The following SLC4A10 variants were observed in gnomAD, a reference collection of about 807,000 sequenced individuals.
SLC4A10 encodes the protein sodium-driven chloride bicarbonate exchanger.
SLC4A10 carries 42 observed loss-of-function variants against 137.7 expected under a neutral mutation model. That is an observed-to-expected ratio of 0.30 (90% CI 0.24 to 0.39). The LOEUF is 0.39. Among genes scored for constraint, SLC4A10 ranks in the 10% least tolerant of loss-of-function variants. SLC4A10 has a pLI of 1.00. For synonymous variants in SLC4A10, 474 were observed against 464.1 expected (o/e 1.02, Z -0.27); for missense variants, 925 against 1,355.0 (o/e 0.68, Z 4.98).
chr2:161,963,667 G>C (rs2105907495), intron 21 of SLC4A10, among the ~76,000 whole-genome samples: 1 of 152,250 alleles, frequency 6.6e-6, no homozygotes, highest in East Asian at 1.9e-4. Context: ...CAGAGACGTA[G>C]GTCCGTGAAT....
chr2:161,647,797 G>T (rs1018913171), intron 1 of SLC4A10, among the ~76,000 whole-genome samples: 2 of 152,008 alleles, frequency 1.3e-5, no homozygotes, highest in African/African-American at 4.8e-5. Flanking sequence ...TATTTTATAC[G>T]TTATAAATCT....
intron 8 of SLC4A10, among the ~76,000 whole-genome samples, chr2:161,874,615 A>T (rs1327811465): frequency 6.6e-6 from 1 of 152,132 alleles, no homozygotes; most frequent in Non-Finnish European, 1.5e-5. Context: ...GGCCCGTTTC[A>T]TCTTTTAATA....
intron 3 of SLC4A10, among the ~76,000 whole-genome samples, chr2:161,838,432 A>G (rs956527937): frequency 3.3e-5 from 5 of 152,188 alleles, no homozygotes; most frequent in African/African-American, 1.2e-4. Flanking sequence ...GAGTTTTCAA[A>G]TTTGATACCA....
chr2:161,982,183 C>G (rs1428936584), intron 26 of SLC4A10, among the ~76,000 whole-genome samples: 1 of 152,142 alleles, frequency 6.6e-6, no homozygotes, highest in Non-Finnish European at 1.5e-5. Flanking sequence ...TGGATACTTA[C>G]AGCCCAGGGC....
chr2:161,895,656 A>G (rs1248262291), intron 11 of SLC4A10, among the ~76,000 whole-genome samples: 1 of 152,144 alleles, frequency 6.6e-6, no homozygotes, highest in Non-Finnish European at 1.5e-5. Context: ...CATTTCTCTG[A>G]TGACCAGTGA....
At chr2:161,859,604 T>C (rs1352857153) in intron 5 of SLC4A10, among the ~76,000 whole-genome samples, 1,273 of 123,720 alleles carry the variant, frequency 0.01, 15 homozygotes, top group African/African-American at 0.038. Flanking sequence ...CTTTTTTTTT[T>C]TTTTTTTTTT....
intron 15 of SLC4A10, among the ~76,000 whole-genome samples, chr2:161,940,192 C>G (rs953631915): frequency 2.2e-4 from 34 of 152,132 alleles, no homozygotes; most frequent in African/African-American, 7.2e-4. Flanking sequence ...TCCTCTCCTC[C>G]CAGCTCAGCA....
At chr2:161,735,262 A>T (rs2047225491) in intron 1 of SLC4A10, among the ~76,000 whole-genome samples, 1 of 151,148 alleles carries the variant, frequency 6.6e-6, no homozygotes, top group Admixed American at 6.6e-5. Context: ...GTATTTGTAG[A>T]TGAAAACCAT....
intron 23 of SLC4A10, among the ~76,000 whole-genome samples, chr2:161,969,865 T>C (rs1020997154): frequency 2.0e-5 from 3 of 152,178 alleles, no homozygotes; most frequent in African/African-American, 4.8e-5. Context: ...TTGGGAAGCA[T>C]GGCCAAATTA....
Position 161,950,817 on chromosome 2 carries a change from T to A in SLC4A10, c.2510T>A (p.Val837Asp), listed in dbSNP as rs932651402. The A allele has an allele frequency of 6.2e-7, 1 of 1,605,682 alleles. No homozygotes were observed. Among genetic ancestry groups the A allele is most frequent in the African/African-American group, 1.3e-5 (1 of 74,764 alleles). The part of the protein sequence containing the change: ...LIFMDQQITA[V>D]IINRKEHKLK... ...TTTATGGACCAACAGATTACAGCTG[T>A]CATCATCAACAGGAAAGAGCATAAG... is the stretch of plus-strand genomic sequence containing the variant. The change falls in exon 19 of 27, where the codon GTC (valine) becomes GAC (aspartate). Residue 837 changes from valine (V) to aspartate (D), a missense_variant. Physicochemically the swap from Val to Asp is radical, Grantham distance 152. This residue lies in a region of SLC4A10 where 82 missense variants were observed against 151.4 expected (regional missense o/e 0.54). Transcript: ENST00000446997.
intron 1 of SLC4A10, among the ~76,000 whole-genome samples, chr2:161,710,914 G>T (rs1270068169): frequency 1.3e-5 from 2 of 151,680 alleles, no homozygotes. Flanking sequence ...ACAATAAATT[G>T]TGTTCACATT....
chr2:161,674,184 A>G (rs2040039329), intron 1 of SLC4A10, among the ~76,000 whole-genome samples: 1 of 152,154 alleles, frequency 6.6e-6, no homozygotes, highest in Non-Finnish European at 1.5e-5. Context: ...AATGATATGG[A>G]ATGTGGCTTC....
chr2:161,851,407 A>G (rs1374460294), intron 4 of SLC4A10, among the ~76,000 whole-genome samples: 1 of 152,164 alleles, frequency 6.6e-6, no homozygotes, highest in African/African-American at 2.4e-5. Flanking sequence ...TATTGGGTGC[A>G]TATATATTTA....
chr2:161,680,947 T>C (rs1050752229), intron 1 of SLC4A10, among the ~76,000 whole-genome samples: 28 of 152,192 alleles, frequency 1.8e-4, no homozygotes, highest in African/African-American at 5.5e-4. Context: ...TAGATATAAG[T>C]AACATCTTAA....
intron 2 of SLC4A10, among the ~76,000 whole-genome samples, chr2:161,786,578 G>C (rs559235711): frequency 3.3e-5 from 5 of 151,456 alleles, no homozygotes; most frequent in South Asian, 2.1e-4. Context: ...ACATAAAAGA[G>C]TATACTCTTT....
intron 3 of SLC4A10, among the ~76,000 whole-genome samples, chr2:161,834,167 T>G (rs1298429157): frequency 6.6e-6 from 1 of 152,220 alleles, no homozygotes; most frequent in Non-Finnish European, 1.5e-5. Context: ...AATTCTTGTA[T>G]AGCTAACTGG....
rs73971506 is a variant in SLC4A10 at position 161,977,402 on chromosome 2, A to G, written c.3345-320A>G. On this transcript the variant is annotated intron_variant, in intron 25 of 26. Coordinates refer to ENST00000446997, the MANE Select transcript of SLC4A10 (RefSeq NM_001178015.2). ...ATCCATTCTTTCTTCTCTGTGTGTA[A>G]ATGTACAAACAACTCCTGTAGTTGT... 1,304 of 480,270 alleles carry G rather than the reference A, an allele frequency of 2.7e-3. 17 individuals carry two copies. The highest frequency in any genetic ancestry group is 0.023 in the African/African-American group (1,158 of 50,696). The allele number at this position is 480,270 out of a possible 1,614,324, so 29.8% of individuals were successfully genotyped here. A position where few individuals can be genotyped will look rare whatever the true frequency, so the allele number is the denominator to read the frequency against.
intron 1 of SLC4A10, among the ~76,000 whole-genome samples, chr2:161,707,008 T>C (rs563816110): frequency 1.5e-4 from 23 of 151,698 alleles, no homozygotes; most frequent in African/African-American, 5.1e-4. Flanking sequence ...AGATATTCAA[T>C]ATTTTCTACA....
chr2:161,861,511 A>G (rs2060434235), intron 5 of SLC4A10, among the ~76,000 whole-genome samples: 1 of 152,198 alleles, frequency 6.6e-6, no homozygotes, highest in Non-Finnish European at 1.5e-5. Context: ...ATGTGAGCCA[A>G]TAAAATTGTT....
Sources: allele counts gnomAD v4.1 joint callset (sites outside exome capture counted in the v4.1 genomes callset), GRCh38; gene constraint gnomAD v4.1.1; regional missense constraint gnomAD v4.1.1; transcripts MANE v1.5; gene names NCBI Gene and HGNC (gene_info 2026-07-23, HGNC 2026-07-21).